The following ATAD3B variants were observed in gnomAD, a reference collection of about 807,000 sequenced individuals.
ATAD3B encodes ATPase family AAA domain containing 3B, also known as ATPase family AAA domain-containing protein 3B.
ATAD3B carries 59 observed loss-of-function variants against 70.2 expected under a neutral mutation model. That is an observed-to-expected ratio of 0.84 (90% CI 0.68 to 1.04). ATAD3B has a LOEUF of 1.04. ATAD3B is among the 50% of genes least tolerant of loss of function. ATAD3B has a pLI of 0.00. For missense variants in ATAD3B, 961 were observed against 913.4 expected (o/e 1.05, Z -0.67); for synonymous variants, 423 against 388.6 (o/e 1.09, Z -1.04).
chr1:1,486,179 T>C lies in ATAD3B; in HGVS notation c.1033T>C (p.Tyr345His). 1 of 1,613,218 alleles carries C rather than the reference T, an allele frequency of 6.2e-7. No homozygotes were observed. Among genetic ancestry groups the C allele is most frequent in the Non-Finnish European group, 8.5e-7 (1 of 1,179,652 alleles). ...TRNTKKNRGL[Y>H]RHILLYGPPG... ...GAACACCAAGAAGAACCGGGGCCTG[T>C]ACAGGCACATCCTGCTGTATGGGCC... The change falls in exon 10 of 16, where the codon TAC (tyrosine) becomes CAC (histidine). Residue 345 changes from tyrosine (Y) to histidine (H), a missense_variant. By Grantham distance (83) the Tyr-to-His change is moderately conservative. This residue lies in a region of ATAD3B where 349 missense variants were observed against 307.5 expected (regional missense o/e 1.14). Coordinates refer to ENST00000673477, the MANE Select transcript of ATAD3B (RefSeq NM_031921.6).
In ATAD3B at chr1:1,496,526, A is replaced by G. The variant is rs1474330624; in HGVS notation, c.*709A>G. Reference sequence around the variant, plus strand: ...GGTGTAAGAGGGCACGCTTCTGCCCAGGCATCGTCCATGGAAGACACGCAG... The same window carrying G: ...GGTGTAAGAGGGCACGCTTCTGCCCGGGCATCGTCCATGGAAGACACGCAG... On this transcript the variant is annotated 3_prime_UTR_variant, in exon 16 of 16. Coordinates refer to ENST00000673477, the MANE Select transcript of ATAD3B (RefSeq NM_031921.6). 3 of 152,198 alleles carry G rather than the reference A, an allele frequency of 2.0e-5. No homozygotes were observed. The highest frequency in any genetic ancestry group is 4.4e-5 in the Non-Finnish European group (3 of 68,268). The allele number at this position is 152,198 out of a possible 1,614,324, so 9.4% of individuals were successfully genotyped here.
At chr1:1,478,500 A>G (rs1639716722) in intron 2 of ATAD3B, 144 bp from the exon 3 acceptor site, 2 of 1,549,400 alleles carry the variant, frequency 1.3e-6, no homozygotes, top group Non-Finnish European at 8.7e-7. Context: ...CTGGGTGCAG[A>G]TGCAGCTGGA....
chr1:1,494,471 G>A (rs914372029), intron 15 of ATAD3B, among the ~76,000 whole-genome samples: 3 of 151,420 alleles, frequency 2.0e-5, no homozygotes, highest in Admixed American at 6.6e-5. Context: ...CCGGGCCCCC[G>A]ACCCACAGTG....
downstream of ATAD3B, among the ~76,000 whole-genome samples, chr1:1,498,801 C>T (rs1336954422): frequency 3.3e-5 from 5 of 151,590 alleles, no homozygotes; most frequent in African/African-American, 9.7e-5. Flanking sequence ...TGTAAATTTT[C>T]GGTGTCGCAA....
chr1:1,482,336 A>T (rs1329515954), intron 6 of ATAD3B, 33 bp downstream of exon 6: 2 of 1,547,870 alleles, frequency 1.3e-6, no homozygotes, highest in African/African-American at 2.8e-5. Flanking sequence ...CCGGCCACAG[A>T]TGGAGCCCCG....
chr1:1,503,391 G>A, the ATAD3B span: 12 of 607,828 alleles, frequency 2.0e-5, no homozygotes, highest in African/African-American at 2.2e-4. Context: ...CCTCACAAAT[G>A]CATCAGGCCG....
the ATAD3B span, among the ~76,000 whole-genome samples, chr1:1,506,105 T>A: frequency 1.3e-5 from 2 of 152,064 alleles, no homozygotes; most frequent in African/African-American, 4.8e-5. Flanking sequence ...TGGTGGTGTG[T>A]GCCTGTAATC....
At chr1:1,509,245 C>G in the ATAD3B span, 1 of 1,612,876 alleles carries the variant, frequency 6.2e-7, no homozygotes, top group African/African-American at 1.3e-5. Flanking sequence ...CTGACCGAGG[C>G]CATGATGGAC....
chr1:1,498,478 A>G (rs1448788448), downstream of ATAD3B, among the ~76,000 whole-genome samples: 1 of 151,836 alleles, frequency 6.6e-6, no homozygotes, highest in African/African-American at 2.4e-5. Context: ...ATTAAAAAAT[A>G]AAAATAAAAC....
At chr1:1,488,236 G>A (rs569376761) in intron 12 of ATAD3B, among the ~76,000 whole-genome samples, 1 of 152,016 alleles carries the variant, frequency 6.6e-6, no homozygotes, top group East Asian at 1.9e-4. Context: ...GATTACATGC[G>A]TGATCCACCA....
chr1:1,505,207 T>G, the ATAD3B span, among the ~76,000 whole-genome samples: 2 of 151,956 alleles, frequency 1.3e-5, no homozygotes, highest in Admixed American at 1.3e-4. Context: ...GTCACGTGGG[T>G]CACGTGTCCA....
At position 1,496,953 on chromosome 1, in the gene ATAD3B, T is replaced by A. The variant is rs819985; in HGVS notation, c.*1136T>A. On this transcript the variant is annotated 3_prime_UTR_variant, in exon 16 of 16. Transcript: ENST00000673477. ...GGGCAGGGTGGGGTGCAGGGGTGGT[T>A]GGGGGAATCACAGCAACGAGACAGC... is the stretch of plus-strand genomic sequence containing the variant. 2 of 129,426 alleles carry A rather than the reference T, an allele frequency of 1.5e-5. No individual in the cohort carries two copies. The highest frequency in any genetic ancestry group is 5.5e-4 in the East Asian group (2 of 3,636). 8.0% of individuals were successfully genotyped at this position (129,426 alleles called of 1,614,324 possible). A position where few individuals can be genotyped will look rare whatever the true frequency, so the allele number is the denominator to read the frequency against.
At chr1:1,474,692 G>T (rs1368137611) in intron 1 of ATAD3B, among the ~76,000 whole-genome samples, 1 of 151,896 alleles carries the variant, frequency 6.6e-6, no homozygotes, top group African/African-American at 2.4e-5. Context: ...ACTAGAGACG[G>T]GGTTTCACCA....
intron 1 of ATAD3B, among the ~76,000 whole-genome samples, chr1:1,475,394 C>G (rs148670635): frequency 0.013 from 2,042 of 151,788 alleles, 38 homozygotes; most frequent in Middle Eastern, 0.034. Flanking sequence ...CTGGTAGCCC[C>G]TCTGCAAGCC....
At position 1,474,058 on chromosome 1, in the gene ATAD3B, T is replaced by A. The variant is rs138475667; in HGVS notation, c.205+1969T>A. Among the ~76,000 whole-genome samples, 662 of 152,092 alleles carry A rather than the reference T, an allele frequency of 4.4e-3. 9 individuals are homozygous for A. The highest frequency in any genetic ancestry group is 0.015 in the African/African-American group (619 of 41,524). On this transcript the variant is annotated intron_variant, in intron 1 of 15. Coordinates refer to ENST00000673477, the MANE Select transcript of ATAD3B (RefSeq NM_031921.6). ...GCTGGGCACCACCGACAGTGCGTGT[T>A]CTGTTTTGAAGAGATGGGGTCTTGC...
Position 1,495,648 on chromosome 1 carries a change from T to C in ATAD3B, c.1778T>C (p.Leu593Pro), listed in dbSNP as rs770756718. The C allele has an allele frequency of 1.3e-5, 21 of 1,612,638 alleles. No individual in the cohort carries two copies. In the South Asian group the frequency reaches 2.1e-4, roughly 16 times the overall value. Residue 593 changes from leucine to proline, a missense_variant, in exon 16 of 16, where the codon CTC (leucine) becomes CCC (proline). Physicochemically the swap from Leu to Pro is moderately conservative, Grantham distance 98. Around this residue, in one of 4 missense-constraint regions of ATAD3B, gnomAD observed 417 missense variants for 335.0 expected, o/e 1.24. Transcript: ENST00000673477. ...HPLSGVQGET[L>P]TSWSLATDPS... Reference sequence around the variant, plus strand: ...CTATCCGGAGTCCAAGGCGAGACCCTCACCTCATGGAGCCTGGCCACGGAC... The same window carrying C: ...CTATCCGGAGTCCAAGGCGAGACCCCCACCTCATGGAGCCTGGCCACGGAC...
intron 13 of ATAD3B, chr1:1,489,811 G>A: frequency 7.9e-7 from 1 of 1,268,272 alleles, no homozygotes; most frequent in Non-Finnish European, 1.0e-6. Context: ...CCCTGACTCA[G>A]GTCCTTCCCA....
At chr1:1,504,245 C>T in the ATAD3B span, among the ~76,000 whole-genome samples, 1 of 151,956 alleles carries the variant, frequency 6.6e-6, no homozygotes. Context: ...CTCGGCCTCC[C>T]AAAATGTTGA....
rs185915112 is a variant in ATAD3B at position 1,493,054 on chromosome 1, T to C, written c.1614+2383T>C. On this transcript the variant is annotated intron_variant, in intron 15 of 15. Transcript: ENST00000673477. ...GGAACTCAGGAGGCAGAGGTTGCAG[T>C]GAGCTAAGATCACGCCACAGCACTC... Among the ~76,000 whole-genome samples the C allele has an allele frequency of 3.3e-5, 5 of 152,044 alleles. No individual in the cohort carries two copies. The East Asian group carries it at 9.6e-4, about 29-fold the overall frequency.
Sources: gnomAD v4.1 joint callset for allele counts (sites outside exome capture counted in the v4.1 genomes callset) on GRCh38, gnomAD v4.1.1 for gene constraint, gnomAD v4.1.1 regional missense constraint, MANE v1.5 for transcripts, NCBI Gene and HGNC (gene_info 2026-07-23, HGNC 2026-07-21) for gene names.